Variants in DEUP1 observed in about 807,000 individuals in gnomAD.
DEUP1 encodes coiled-coil domain containing 67.
In DEUP1, 82 loss-of-function variants were observed where a neutral mutation model predicts 87.4. The ratio of observed to expected loss-of-function variants is 0.94; its 90% confidence interval spans 0.78 to 1.13. The LOEUF (loss-of-function observed/expected upper bound fraction) is 1.13. Ranked by LOEUF, DEUP1 falls within the 50% of genes most tolerant of loss-of-function variation. The pLI, the probability that DEUP1 is intolerant of heterozygous loss-of-function variation, is 0.00. For missense variants in DEUP1, 663 were observed against 681.5 expected, an observed-to-expected ratio of 0.97 and a Z score of 0.30; for synonymous variants, 214 against 222.7, an observed-to-expected ratio of 0.96 and a Z score of 0.35.
intron 8 of DEUP1, 110 bp from the exon 9 acceptor site, chr11:93,388,909 CA>C: frequency 1.7e-6 from 1 of 605,948 alleles, no homozygotes; most frequent in East Asian, 3.2e-5. Context: ...ATGTTTCCAA[CA>C]AAGTAATGAT....
intron 13 of DEUP1, among the ~76,000 whole-genome samples, chr11:93,426,994 TAAAAAA>T (rs1157644297): frequency 3.4e-4 from 1 of 2,912 alleles, no homozygotes; most frequent in African/African-American, 1.5e-3. Context: ...TAGAGTATAA[TAAAAAA>T]AAAAAAAAAA....
chr11:93,411,753 A>G (rs1414917434), intron 12 of DEUP1, among the ~76,000 whole-genome samples: 1 of 152,226 alleles, frequency 6.6e-6, no homozygotes, highest in African/African-American at 2.4e-5. Context: ...TTATCTCTAT[A>G]TAAGACACAT....
chr11:93,391,787 A>T (rs1946773484), intron 9 of DEUP1, among the ~76,000 whole-genome samples: 1 of 152,092 alleles, frequency 6.6e-6, no homozygotes, highest in Non-Finnish European at 1.5e-5. Context: ...AGCAAAATCC[A>T]TACTGGGACA....
chr11:93,382,807 G>A (rs1226794320), intron 7 of DEUP1, among the ~76,000 whole-genome samples: 1 of 152,148 alleles, frequency 6.6e-6, no homozygotes, highest in Admixed American at 6.5e-5. Flanking sequence ...CTATTGTTTT[G>A]CATTTCTTTT....
chr11:93,345,974 T>A (rs1157812486), intron 2 of DEUP1, among the ~76,000 whole-genome samples: 1 of 152,054 alleles, frequency 6.6e-6, no homozygotes, highest in Non-Finnish European at 1.5e-5. Context: ...TCTTCCAGGG[T>A]TTTTACAGTT....
At chr11:93,385,290 T>C in intron 7 of DEUP1, 108 bp from the exon 8 acceptor site, 1 of 967,704 alleles carries the variant, frequency 1.0e-6, no homozygotes, top group South Asian at 1.5e-5. Context: ...GGACTAAATA[T>C]CAGTTTGTTT....
At chr11:93,351,324 C>T (rs1287306278) in intron 2 of DEUP1, among the ~76,000 whole-genome samples, 2 of 152,176 alleles carry the variant, frequency 1.3e-5, no homozygotes, top group South Asian at 2.1e-4. Context: ...TAGCATGGTA[C>T]ATTCTTACAT....
At position 93,354,202 on chromosome 11, in the gene DEUP1, A is replaced by G. The variant is rs1199613762; in HGVS notation, c.30-1169A>G. 8.5e-5 allele frequency among the ~76,000 whole-genome samples: 13 copies of G among 152,328 alleles called. 1 individual carries two copies. The South Asian group carries it at 2.7e-3, about 32-fold the overall frequency. ...TCAAAGTTCCACAAATCTCTAGGTCAGAGGAAAAATGCCTCCAGTCTCTTT... is the reference window on the plus strand; with the variant it reads ...TCAAAGTTCCACAAATCTCTAGGTCGGAGGAAAAATGCCTCCAGTCTCTTT... On this transcript the variant is annotated intron_variant, in intron 2 of 13. Coordinates refer to ENST00000298050, the MANE Select transcript of DEUP1 (RefSeq NM_181645.4).
At chr11:93,348,894 T>C (rs968985639) in intron 2 of DEUP1, among the ~76,000 whole-genome samples, 6 of 152,144 alleles carry the variant, frequency 3.9e-5, no homozygotes, top group African/African-American at 1.4e-4. Context: ...TATATATACA[T>C]ACACACGCAG....
At chr11:93,390,495 C>G (rs1324263804) in intron 9 of DEUP1, among the ~76,000 whole-genome samples, 1 of 152,142 alleles carries the variant, frequency 6.6e-6, no homozygotes, top group African/African-American at 2.4e-5. Context: ...TATAATCCCA[C>G]AAAATTTATT....
intron 9 of DEUP1, among the ~76,000 whole-genome samples, chr11:93,393,164 T>C (rs1946826654): frequency 6.9e-6 from 1 of 143,984 alleles, no homozygotes; most frequent in African/African-American, 2.5e-5. Flanking sequence ...CAGGGCCTAC[T>C]GCAGCCTAGA....
At chr11:93,333,824 G>C (rs1943608170) in intron 2 of DEUP1, among the ~76,000 whole-genome samples, 2 of 152,164 alleles carry the variant, frequency 1.3e-5, no homozygotes, top group Admixed American at 6.5e-5. Flanking sequence ...GGAGCAGCCT[G>C]CCTGGTATCC....
At chr11:93,337,018 TTTATC>T (rs1163719280) in intron 2 of DEUP1, among the ~76,000 whole-genome samples, 2 of 152,308 alleles carry the variant, frequency 1.3e-5, no homozygotes, top group African/African-American at 4.8e-5. Flanking sequence ...TTCTGTGACT[TTTATC>T]TTAGCCATTG....
Position 93,408,314 on chromosome 11 carries a change from TCTTGCAAAA to T in DEUP1, c.1414_1422del (p.Ala472_Leu474del). On this transcript the variant is annotated inframe_deletion, in exon 12 of 14. Coordinates refer to ENST00000298050, the MANE Select transcript of DEUP1 (RefSeq NM_181645.4). ...ATGAGAATGAAAGGCTCCGAAATGATCTTGCAAAACTTCATGTCAATGGAAAATCAACCT... is the reference window on the plus strand; with the variant it reads ...ATGAGAATGAAAGGCTCCGAAATGATCTTCATGTCAATGGAAAATCAACCT... 6.3e-7 allele frequency: 1 copy of T among 1,579,690 alleles called. No individual in the cohort carries two copies. Among genetic ancestry groups the T allele is most frequent in the Non-Finnish European group, 8.6e-7 (1 of 1,161,494 alleles).
intron 13 of DEUP1, among the ~76,000 whole-genome samples, chr11:93,432,359 G>A (rs1948129060): frequency 6.6e-6 from 1 of 152,152 alleles, no homozygotes; most frequent in Non-Finnish European, 1.5e-5. Flanking sequence ...GGAATAATGA[G>A]GGAGCTCCCC....
intron 2 of DEUP1, among the ~76,000 whole-genome samples, chr11:93,336,221 T>G (rs1591071524): frequency 6.6e-6 from 1 of 152,128 alleles, no homozygotes; most frequent in African/African-American, 2.4e-5. Context: ...GAGGCATGTT[T>G]TATGTGGCCA....
At chr11:93,402,591 A>G (rs889211310) in intron 11 of DEUP1, among the ~76,000 whole-genome samples, 3 of 152,086 alleles carry the variant, frequency 2.0e-5, no homozygotes, top group African/African-American at 7.2e-5. Context: ...AATAGTCAAA[A>G]TGTAGAATCA....
chr11:93,416,502 A>G (rs1445564555), intron 13 of DEUP1, among the ~76,000 whole-genome samples: 2 of 152,102 alleles, frequency 1.3e-5, no homozygotes, highest in Non-Finnish European at 2.9e-5. Context: ...CTCTGAATAG[A>G]CCAATAACAG....
intron 12 of DEUP1, among the ~76,000 whole-genome samples, chr11:93,410,699 T>C (rs16918922): frequency 0.013 from 2,056 of 152,332 alleles, 42 homozygotes; most frequent in African/African-American, 0.046. Flanking sequence ...GGTGTTGTTA[T>C]TTAAACAAAA....
Sources: gnomAD v4.1 joint callset for allele counts (sites outside exome capture counted in the v4.1 genomes callset) on GRCh38, gnomAD v4.1.1 for gene constraint, MANE v1.5 for transcripts, NCBI Gene and HGNC (gene_info 2026-07-23, HGNC 2026-07-21) for gene names.